Variants in SNTB2 observed in about 807,000 individuals in gnomAD.
The protein encoded by SNTB2 is beta-2-syntrophin.
Under a neutral mutation model 46.2 loss-of-function variants are expected in SNTB2, and 34 were observed. That is an observed-to-expected ratio of 0.74 (90% CI 0.56 to 0.98). The LOEUF is 0.98. Ranked by LOEUF, SNTB2 falls within the 50% of genes least tolerant of loss-of-function variation. The probability of loss-of-function intolerance (pLI) is 0.00; values close to 1 mark genes in which losing one functional copy is unlikely to be tolerated. For missense variants in SNTB2, 603 were observed against 731.4 expected (o/e 0.82, Z 2.02); for synonymous variants, 290 against 312.6 (o/e 0.93, Z 0.76).
chr16:69,189,144 T>A (rs929883216), intron 1 of SNTB2, among the ~76,000 whole-genome samples: 2 of 152,228 alleles, frequency 1.3e-5, no homozygotes, highest in Non-Finnish European at 2.9e-5. Flanking sequence ...AATGATTTCA[T>A]GTACACCAGT....
chr16:69,233,709 A>G (rs998356855), intron 1 of SNTB2, among the ~76,000 whole-genome samples: 5 of 152,154 alleles, frequency 3.3e-5, no homozygotes, highest in East Asian at 1.9e-4. Context: ...TGGTATCTCA[A>G]TACTTGTAAT....
At chr16:69,259,458 C>T (rs1964813745) in intron 2 of SNTB2, among the ~76,000 whole-genome samples, 1 of 151,746 alleles carries the variant, frequency 6.6e-6, no homozygotes, top group South Asian at 2.1e-4. Context: ...TGGCCTCAAA[C>T]TCCTGACCTC....
At chr16:69,233,662 G>A (rs1199517299) in intron 1 of SNTB2, among the ~76,000 whole-genome samples, 1 of 152,036 alleles carries the variant, frequency 6.6e-6, no homozygotes, top group Non-Finnish European at 1.5e-5. Context: ...AAGATGTTCA[G>A]TGTAGTGTTA....
rs149287314 is a variant in SNTB2, at chr16:69,221,545, G to A, written c.581-24057G>A. On this transcript the variant is annotated intron_variant, in intron 1 of 6. Transcript: ENST00000336278. ...AATTCCAGCAGTTTGGGAGGCTGAC[G>A]TGGGCAGATCACTTGAAGTCAGGAG... Among the ~76,000 whole-genome samples, 14 of 152,270 alleles carry A rather than the reference G, an allele frequency of 9.2e-5. No individual in the cohort carries two copies. In the East Asian group the frequency reaches 2.5e-3, roughly 27 times the overall value.
intron 1 of SNTB2, 83 bp downstream of exon 1, chr16:69,187,829 G>A: frequency 8.7e-7 from 1 of 1,153,882 alleles, no homozygotes; most frequent in Non-Finnish European, 1.1e-6. Context: ...CCCGCCGGCG[G>A]GGCGAGCCGG....
chr16:69,263,986 A>T (rs1964861216), intron 3 of SNTB2, among the ~76,000 whole-genome samples: 1 of 150,062 alleles, frequency 6.7e-6, no homozygotes, highest in Non-Finnish European at 1.5e-5. Flanking sequence ...TTGTGTAGAG[A>T]TGGGGTCTCA....
chr16:69,275,987 T>C (rs920405098), intron 4 of SNTB2, among the ~76,000 whole-genome samples: 1 of 152,156 alleles, frequency 6.6e-6, no homozygotes, highest in Non-Finnish European at 1.5e-5. Flanking sequence ...TGTACGTGTG[T>C]GGGTTTTAAT....
Position 69,245,331 on chromosome 16 carries a change from C to T in SNTB2, c.581-271C>T, listed in dbSNP as rs148123115. ...GCCTCAGCTTCCTGAGTAGTTGGGA[C>T]TACAGGCGCATGCCACCACGCTCAC... On this transcript the variant is annotated intron_variant, in intron 1 of 6. Coordinates refer to ENST00000336278, the MANE Select transcript of SNTB2 (RefSeq NM_006750.4). 1.9e-3 allele frequency among the ~76,000 whole-genome samples: 291 copies of T among 152,174 alleles called. 2 individuals are homozygous for T. Among genetic ancestry groups the T allele is most frequent in the Middle Eastern group, 0.014 (4 of 294 alleles).
rs1444363148 is a variant in SNTB2 at position 69,193,853 on chromosome 16, A to G, written c.580+6107A>G. Among the ~76,000 whole-genome samples, 3 of 152,166 alleles carry G rather than the reference A, an allele frequency of 2.0e-5. No individual in the cohort carries two copies. The East Asian group carries it at 5.8e-4, about 29-fold the overall frequency. On this transcript the variant is annotated intron_variant, in intron 1 of 6. Coordinates refer to ENST00000336278, the MANE Select transcript of SNTB2 (RefSeq NM_006750.4). The stretch of plus-strand genomic sequence containing the variant: ...ACAAACCCAAGGCAGTGCTGAGGAC[A>G]GTTGCTCTGTCTCCCATTTCTTGTC...
chr16:69,257,419 T>C (rs980694553), intron 2 of SNTB2, among the ~76,000 whole-genome samples: 9 of 32,984 alleles, frequency 2.7e-4, no homozygotes, highest in Admixed American at 2.0e-3. Context: ...TGACTCTTAT[T>C]TATTTATTTA....
At chr16:69,195,200 G>A (rs184104535) in intron 1 of SNTB2, among the ~76,000 whole-genome samples, 1 of 152,152 alleles carries the variant, frequency 6.6e-6, no homozygotes, top group African/African-American at 2.4e-5. Flanking sequence ...AGTCAGAGAC[G>A]GAGAAAAATC....
chr16:69,292,384 TATATATTA>T (rs1965173264), intron 5 of SNTB2, among the ~76,000 whole-genome samples: 2 of 20,332 alleles, frequency 9.8e-5, no homozygotes, highest in Non-Finnish European at 1.6e-4. Flanking sequence ...ATATATTATA[TATATATTA>T]TATATATATA....
At chr16:69,231,136 G>A (rs959733239) in intron 1 of SNTB2, 4 of 152,148 alleles carry the variant, frequency 2.6e-5, no homozygotes, top group Admixed American at 1.3e-4. Flanking sequence ...ATCCTATATA[G>A]AGTCTAAACT....
Position 69,187,684 on chromosome 16 carries a change from A to T in SNTB2, c.518A>T (p.Gln173Leu). 1 of 1,476,954 alleles carries T rather than the reference A, an allele frequency of 6.8e-7. No homozygotes were observed. The highest frequency in any genetic ancestry group is 9.0e-7 in the Non-Finnish European group (1 of 1,112,186). 91.5% of individuals were successfully genotyped at this position (1,476,954 alleles called of 1,614,324 possible). ...ILSVNGTDLR[Q>L]ATHDQAVQAL... ...TCGGTGAACGGCACCGACCTGCGCC[A>T]GGCCACCCACGACCAGGCCGTGCAG... Residue 173 changes from glutamine (Q) to leucine (L), a missense_variant, in exon 1 of 7, where the codon CAG (glutamine) becomes CTG (leucine). Coordinates refer to ENST00000336278, the MANE Select transcript of SNTB2 (RefSeq NM_006750.4).
chr16:69,188,096 C>T (rs567957903), intron 1 of SNTB2, among the ~76,000 whole-genome samples: 3 of 150,968 alleles, frequency 2.0e-5, no homozygotes, highest in African/African-American at 7.3e-5. Flanking sequence ...GCCGGGTTGG[C>T]GCTTAACTCA....
chr16:69,193,618 C>T (rs1964076005), intron 1 of SNTB2, among the ~76,000 whole-genome samples: 1 of 152,030 alleles, frequency 6.6e-6, no homozygotes, highest in African/African-American at 2.4e-5. Context: ...TGTGAGCCAC[C>T]ATGTCCAGCC....
chr16:69,276,133 C>G (rs1383917782), intron 4 of SNTB2, among the ~76,000 whole-genome samples: 1 of 151,264 alleles, frequency 6.6e-6, no homozygotes, highest in Admixed American at 6.6e-5. Flanking sequence ...TATAGGTGCT[C>G]TGGATTTTTC....
chr16:69,239,805 A>G (rs1314990725), intron 1 of SNTB2, among the ~76,000 whole-genome samples: 3 of 152,132 alleles, frequency 2.0e-5, no homozygotes, highest in Non-Finnish European at 4.4e-5. Flanking sequence ...TTAGCCTCTC[A>G]AAGTGCTGGG....
At chr16:69,201,996 C>G (rs1290262984) in intron 1 of SNTB2, among the ~76,000 whole-genome samples, 2 of 152,164 alleles carry the variant, frequency 1.3e-5, no homozygotes, top group African/African-American at 4.8e-5. Flanking sequence ...CTGACTCATT[C>G]TCCTTGTTTA....
Sources: gnomAD v4.1 joint callset for allele counts (sites outside exome capture counted in the v4.1 genomes callset) on GRCh38, gnomAD v4.1.1 for gene constraint, MANE v1.5 for transcripts, NCBI Gene and HGNC (gene_info 2026-07-23, HGNC 2026-07-21) for gene names.